Variants in PPARGC1A observed in about 807,000 individuals in gnomAD.
PPARGC1A encodes the protein peroxisome proliferator-activated receptor gamma coactivator 1-alpha.
A neutral mutation model predicts 88.7 loss-of-function variants in PPARGC1A; 25 were observed. That is an observed-to-expected ratio of 0.28 (90% CI 0.21 to 0.39). The LOEUF is 0.39. Among genes scored for constraint, PPARGC1A ranks in the 10% least tolerant of loss-of-function variants. The probability of loss-of-function intolerance (pLI) is 1.00; values close to 1 mark genes in which losing one functional copy is unlikely to be tolerated. For synonymous variants in PPARGC1A, 363 were observed against 355.6 expected, an observed-to-expected ratio of 1.02 and a Z score of -0.24; for missense variants, 880 against 968.7, an observed-to-expected ratio of 0.91 and a Z score of 1.22.
chr4:23,899,093 G>A (rs1217290211), intron 1 of PPARGC1A, among the ~76,000 whole-genome samples: 4 of 137,836 alleles, frequency 2.9e-5, no homozygotes, highest in South Asian at 2.4e-4. Flanking sequence ...ACCCCCCCCC[G>A]GCCTTGGCCT....
chr4:24,023,824 G>A, the PPARGC1A span, among the ~76,000 whole-genome samples: 2 of 138,254 alleles, frequency 1.4e-5, no homozygotes, highest in African/African-American at 5.2e-5. Flanking sequence ...GAAATACTAA[G>A]TGGCAAAAGA....
the PPARGC1A span, among the ~76,000 whole-genome samples, chr4:24,440,836 CTT>C: frequency 6.6e-6 from 1 of 152,016 alleles, no homozygotes; most frequent in Non-Finnish European, 1.5e-5. Flanking sequence ...AAAAACAACT[CTT>C]ATTTAATTGC....
the PPARGC1A span, among the ~76,000 whole-genome samples, chr4:24,187,851 C>T: frequency 6.6e-6 from 1 of 151,872 alleles, no homozygotes; most frequent in Non-Finnish European, 1.5e-5. Flanking sequence ...TGATAAATGC[C>T]CTGAAGAATA....
the PPARGC1A span, among the ~76,000 whole-genome samples, chr4:24,316,015 G>T: frequency 6.6e-6 from 1 of 152,170 alleles, no homozygotes; most frequent in African/African-American, 2.4e-5. Context: ...TATAAACAAG[G>T]CCAAGAGGGC....
the PPARGC1A span, among the ~76,000 whole-genome samples, chr4:24,363,622 G>T: frequency 3.9e-5 from 6 of 152,212 alleles, no homozygotes; most frequent in African/African-American, 1.4e-4. Flanking sequence ...AACAAAATCT[G>T]CCTACTACAG....
intron 2 of PPARGC1A, among the ~76,000 whole-genome samples, chr4:23,869,314 G>T (rs914154573): frequency 6.6e-6 from 1 of 152,196 alleles, no homozygotes; most frequent in Non-Finnish European, 1.5e-5. Context: ...ATGAGAGAAA[G>T]TAGCAGGGGA....
At chr4:24,231,201 G>C in the PPARGC1A span, among the ~76,000 whole-genome samples, 2 of 152,110 alleles carry the variant, frequency 1.3e-5, no homozygotes. Flanking sequence ...CCGGTCTCTT[G>C]TTCTGAAACT....
At chr4:24,405,911 T>C in the PPARGC1A span, among the ~76,000 whole-genome samples, 1 of 152,108 alleles carries the variant, frequency 6.6e-6, no homozygotes, top group Non-Finnish European at 1.5e-5. Flanking sequence ...CTTTCCCTCC[T>C]TCCTTCCCTC....
chr4:23,874,045 C>T (rs967726352), intron 2 of PPARGC1A, among the ~76,000 whole-genome samples: 1 of 152,014 alleles, frequency 6.6e-6, no homozygotes, highest in African/African-American at 2.4e-5. Context: ...GCTACCTCCT[C>T]ACTTTTCTGT....
At chr4:24,249,291 T>C in the PPARGC1A span, among the ~76,000 whole-genome samples, 3 of 152,092 alleles carry the variant, frequency 2.0e-5, no homozygotes, top group African/African-American at 7.2e-5. Flanking sequence ...CATTTTAGCC[T>C]GTGACAAGTA....
chr4:24,363,480 G>A, the PPARGC1A span, among the ~76,000 whole-genome samples: 6 of 152,034 alleles, frequency 3.9e-5, no homozygotes, highest in Admixed American at 6.6e-5. Context: ...ATAATGATCC[G>A]GCTATTATAT....
the PPARGC1A span, among the ~76,000 whole-genome samples, chr4:24,079,108 C>T: frequency 6.6e-6 from 1 of 152,010 alleles, no homozygotes; most frequent in African/African-American, 2.4e-5. Flanking sequence ...CATCCTTTCA[C>T]ATTAAGTTTA....
chr4:24,082,062 T>C, the PPARGC1A span, among the ~76,000 whole-genome samples: 2 of 152,202 alleles, frequency 1.3e-5, no homozygotes, highest in East Asian at 1.9e-4. Context: ...CTCCCTAAAG[T>C]GTAGTCATAT....
At chr4:24,084,667 G>T in the PPARGC1A span, among the ~76,000 whole-genome samples, 2 of 151,958 alleles carry the variant, frequency 1.3e-5, no homozygotes, top group Non-Finnish European at 2.9e-5. Flanking sequence ...ACAATACAAG[G>T]TCTCTCCCAG....
chr4:24,378,584 C>T, the PPARGC1A span, among the ~76,000 whole-genome samples: 1 of 152,100 alleles, frequency 6.6e-6, no homozygotes, highest in African/African-American at 2.4e-5. Flanking sequence ...ATAAATGAAT[C>T]CTGGATTACT....
At chr4:24,461,839 CA>C in the PPARGC1A span, among the ~76,000 whole-genome samples, 3 of 152,268 alleles carry the variant, frequency 2.0e-5, no homozygotes, top group Middle Eastern at 3.4e-3. Flanking sequence ...AGATGCTCTC[CA>C]TTTCTTAAAG....
At chr4:24,387,818 A>AAGAAAGAAAGAGAGAAAGAG in the PPARGC1A span, among the ~76,000 whole-genome samples, 2 of 81,074 alleles carry the variant, frequency 2.5e-5, no homozygotes, top group African/African-American at 9.6e-5. Flanking sequence ...GAAAGAAAGA[A>AAGAAAGAAAGAGAGAAAGAG]AGAAAGAGAG....
At chr4:24,463,509 G>A in the PPARGC1A span, among the ~76,000 whole-genome samples, 1,762 of 152,272 alleles carry the variant, frequency 0.012, 16 homozygotes, top group Non-Finnish European at 0.018. Flanking sequence ...ATGACATTGC[G>A]GAACTGCCGT....
At chr4:24,231,591 C>T in the PPARGC1A span, among the ~76,000 whole-genome samples, 142 of 152,288 alleles carry the variant, frequency 9.3e-4, 2 homozygotes, top group Middle Eastern at 3.4e-3. Flanking sequence ...AACTCTAATC[C>T]TCCCCGAATT....
Sources: allele counts gnomAD v4.1 joint callset (sites outside exome capture counted in the v4.1 genomes callset), GRCh38; gene constraint gnomAD v4.1.1; transcripts MANE v1.5; gene names NCBI Gene and HGNC (gene_info 2026-07-23, HGNC 2026-07-21).